Variants in GRAMD4 observed in about 807,000 individuals in gnomAD.
GRAMD4 encodes GRAM domain containing 4, also known as GRAM domain-containing protein 4.
Under a neutral mutation model 83.9 loss-of-function variants are expected in GRAMD4, and 25 were observed. The observed-to-expected ratio is 0.30, with a 90% CI of 0.22 to 0.42. The LOEUF (loss-of-function observed/expected upper bound fraction) is 0.42, where lower values mean the gene tolerates loss of function less well. Ranked by LOEUF, GRAMD4 falls within the 10% of genes least tolerant of loss-of-function variation. GRAMD4 has a pLI of 1.00. For missense variants in GRAMD4, 593 were observed against 788.7 expected, an observed-to-expected ratio of 0.75 and a Z score of 2.97; for synonymous variants, 336 against 320.9, an observed-to-expected ratio of 1.05 and a Z score of -0.50.
At chr22:46,596,324 G>A (rs1341779172) in intron 1 of GRAMD4, among the ~76,000 whole-genome samples, 4 of 152,250 alleles carry the variant, frequency 2.6e-5, no homozygotes, top group Admixed American at 2.0e-4. Context: ...GTGTGGCCAG[G>A]ATGACAGATG....
intron 2 of GRAMD4, among the ~76,000 whole-genome samples, chr22:46,632,834 G>A (rs565706085): frequency 1.2e-4 from 19 of 152,298 alleles, no homozygotes; most frequent in Non-Finnish European, 2.5e-4. Context: ...GGATGGAGCC[G>A]GGTCACCCGC....
chr22:46,671,704 C>T (rs903749265), intron 13 of GRAMD4, among the ~76,000 whole-genome samples: 29 of 148,524 alleles, frequency 2.0e-4, no homozygotes, highest in Admixed American at 1.1e-3. Flanking sequence ...AAAATTTAGC[C>T]GGGTGTGGTG....
intron 1 of GRAMD4, among the ~76,000 whole-genome samples, chr22:46,581,235 G>A (rs1048183746): frequency 4.6e-5 from 7 of 152,196 alleles, no homozygotes; most frequent in African/African-American, 1.4e-4. Context: ...AGGAAGTACC[G>A]GCCTATCAAA....
Position 46,620,740 on chromosome 22 carries a change from AC to A in GRAMD4, c.-50+179del, listed in dbSNP as rs374511675. Among the ~76,000 whole-genome samples, 82 of 152,082 alleles carry A rather than the reference AC, an allele frequency of 5.4e-4. No individual in the cohort carries two copies. In the East Asian group the frequency reaches 0.016, roughly 29 times the overall value. The stretch of plus-strand genomic sequence containing the variant: ...CCTCCCAAGGCCGGGTGCAGGCCAG[AC>A]CCCACCGGTAAAGCACCTGCGCAGC... On this transcript the variant is annotated intron_variant, in intron 1 of 18. Coordinates refer to ENST00000406902, the MANE Select transcript of GRAMD4 (RefSeq NM_015124.5). The surrounding 1 kb of genome is among the most constrained non-coding windows in gnomAD (Gnocchi z 4.7).
intron 1 of GRAMD4, among the ~76,000 whole-genome samples, chr22:46,584,455 T>G (rs2081128463): frequency 6.6e-6 from 1 of 152,166 alleles, no homozygotes; most frequent in South Asian, 2.1e-4. Context: ...TCTGATCCGT[T>G]TCCTGCATGG....
At chr22:46,648,783 G>C (rs578211500) in intron 3 of GRAMD4, among the ~76,000 whole-genome samples, 5 of 124,710 alleles carry the variant, frequency 4.0e-5, no homozygotes, top group African/African-American at 1.7e-4. Flanking sequence ...TGGATGGATG[G>C]ATGGATGGAT....
rs1569279727 is a variant in GRAMD4, at chr22:46,637,882, T to G, written c.205T>G (p.Phe69Val). The G allele has an allele frequency of 6.2e-7, 1 of 1,614,002 alleles. No individual in the cohort carries two copies. The highest frequency in any genetic ancestry group is 1.3e-5 in the African/African-American group (1 of 75,072). The stretch of plus-strand genomic sequence containing the variant: ...CATCATGGCCACAGGAGTCCAGGAC[T>G]TTAACCGGACAGAGTTTGATCGACT... ...TLIMATGVQD[F>V]NRTEFDRLNE... The change falls in exon 3 of 19, where the codon TTT (phenylalanine) becomes GTT (valine). Residue 69 changes from phenylalanine (F) to valine (V), a missense_variant. Transcript: ENST00000406902.
chr22:46,642,931 TCATCCATC>T (rs1188507885), intron 3 of GRAMD4, among the ~76,000 whole-genome samples: 2 of 104,980 alleles, frequency 1.9e-5, no homozygotes, highest in African/African-American at 3.6e-5. Flanking sequence ...AGGGATCCAT[TCATCCATC>T]CATCCATCCA....
downstream of GRAMD4, chr22:46,682,410 G>A (rs1257162604): frequency 3.0e-6 from 3 of 984,848 alleles, no homozygotes; most frequent in East Asian, 3.4e-4. Context: ...GAAATTCACA[G>A]GTAAATCATC....
chr22:46,657,554 G>A (rs1349505359), intron 3 of GRAMD4, among the ~76,000 whole-genome samples: 1 of 152,200 alleles, frequency 6.6e-6, no homozygotes, highest in Non-Finnish European at 1.5e-5. Flanking sequence ...CTCTGACCCT[G>A]CCTCCTCCCT....
chr22:46,658,791 C>T (rs1359705930), intron 4 of GRAMD4, among the ~76,000 whole-genome samples: 3 of 151,196 alleles, frequency 2.0e-5, no homozygotes, highest in Admixed American at 6.6e-5. Context: ...CTGCCCCAGC[C>T]ACGCTGTGGC....
intron 1 of GRAMD4, among the ~76,000 whole-genome samples, chr22:46,599,609 G>A (rs1413718383): frequency 6.6e-6 from 1 of 152,092 alleles, no homozygotes; most frequent in Non-Finnish European, 1.5e-5. Flanking sequence ...TTACAGGCAT[G>A]AGCCACCATG....
At chr22:46,644,754 A>C (rs1455325915) in intron 3 of GRAMD4, among the ~76,000 whole-genome samples, 1 of 117,838 alleles carries the variant, frequency 8.5e-6, no homozygotes, top group Admixed American at 1.0e-4. Flanking sequence ...TGTTTTTGAG[A>C]TAGGGTCTCG....
upstream of GRAMD4, among the ~76,000 whole-genome samples, chr22:46,615,616 G>A (rs539325579): frequency 3.3e-3 from 331 of 101,170 alleles, 5 homozygotes; most frequent in African/African-American, 0.013. Context: ...TTCCCCGTGC[G>A]TGTAGGTTCC....
At chr22:46,645,851 C>T (rs1005026592) in intron 3 of GRAMD4, among the ~76,000 whole-genome samples, 4 of 152,216 alleles carry the variant, frequency 2.6e-5, no homozygotes, top group Non-Finnish European at 5.9e-5. Context: ...GCTTTTTGAG[C>T]GCGGTTGCCG....
chr22:46,658,096 G>A, intron 3 of GRAMD4, 91 bp from the exon 4 acceptor site: 2 of 1,526,372 alleles, frequency 1.3e-6, no homozygotes, highest in Non-Finnish European at 1.8e-6. Context: ...CCCCTCTGCT[G>A]TTTCTGAGTC....
intron 3 of GRAMD4, among the ~76,000 whole-genome samples, chr22:46,650,529 C>T (rs6007949): frequency 6.6e-6 from 1 of 152,222 alleles, no homozygotes; most frequent in South Asian, 2.1e-4. Context: ...CTCAAATCAG[C>T]GTGGCCGTTC....
At chr22:46,658,806 G>GC (rs1223403346) in intron 4 of GRAMD4, among the ~76,000 whole-genome samples, 2 of 88,930 alleles carry the variant, frequency 2.2e-5, no homozygotes, top group Non-Finnish European at 4.5e-5. Context: ...TGTGGCCCCC[G>GC]CCCCCCTGCC....
chr22:46,588,921 C>G (rs2081179167), intron 1 of GRAMD4, among the ~76,000 whole-genome samples: 1 of 152,206 alleles, frequency 6.6e-6, no homozygotes, highest in African/African-American at 2.4e-5. Context: ...CTCCCCACCC[C>G]CTCCCACAGT....
Sources: allele counts gnomAD v4.1 joint callset (sites outside exome capture counted in the v4.1 genomes callset), GRCh38; gene constraint gnomAD v4.1.1; non-coding constraint Gnocchi (gnomAD v3.1); transcripts MANE v1.5; gene names NCBI Gene and HGNC (gene_info 2026-07-23, HGNC 2026-07-21).